The following FOXP2 variants were observed in gnomAD, a reference collection of about 807,000 sequenced individuals.
The protein encoded by FOXP2 is forkhead box protein P2.
FOXP2 carries 12 observed loss-of-function variants against 115.8 expected under a neutral mutation model. That is an observed-to-expected ratio of 0.10 (90% CI 0.07 to 0.17). The LOEUF (loss-of-function observed/expected upper bound fraction) is 0.17. FOXP2 is among the 10% of genes least tolerant of loss of function. The probability of loss-of-function intolerance (pLI) is 1.00; values close to 1 mark genes in which losing one functional copy is unlikely to be tolerated. For synonymous variants in FOXP2, 328 were observed against 297.7 expected (o/e 1.10, Z -1.05); for missense variants, 629 against 843.5 (o/e 0.75, Z 3.15).
In FOXP2 at chr7:114,685,957, G is replaced by C. The variant is rs1808337958; in HGVS notation, c.2004-3825G>C. On this transcript the variant is annotated intron_variant, in intron 16 of 16. Transcript: ENST00000350908. The stretch of plus-strand genomic sequence containing the variant: ...AATAAGGATGATCCAGGAATATCAA[G>C]AGGAAAACCGGTGTTTTTTTTTTTA... Among the ~76,000 whole-genome samples, 3 of 150,858 alleles carry C rather than the reference G, an allele frequency of 2.0e-5. No individual in the cohort carries two copies. The South Asian group carries it at 6.3e-4, about 31-fold the overall frequency.
At chr7:114,345,015 A>T (rs772220107) in intron 2 of FOXP2, among the ~76,000 whole-genome samples, 8 of 125,924 alleles carry the variant, frequency 6.4e-5, no homozygotes, top group Non-Finnish European at 1.1e-4. Flanking sequence ...TTGGAAGTGA[A>T]AATATTTGAA....
chr7:114,308,264 A>G (rs997117482), intron 2 of FOXP2, among the ~76,000 whole-genome samples: 7 of 152,186 alleles, frequency 4.6e-5, no homozygotes, highest in Admixed American at 3.9e-4. Context: ...GGGGGGACTC[A>G]GTGAACAATA....
intron 4 of FOXP2, chr7:114,629,483 G>T: frequency 2.2e-6 from 2 of 898,738 alleles, no homozygotes; most frequent in South Asian, 3.2e-5. Flanking sequence ...ACAACTGGTA[G>T]AGTATAGCCT....
intron 2 of FOXP2, among the ~76,000 whole-genome samples, chr7:114,479,129 C>G (rs1040715163): frequency 1.3e-5 from 2 of 151,684 alleles, no homozygotes; most frequent in African/African-American, 4.8e-5. Context: ...CAAAATTTTT[C>G]TTTTGTGAAT....
At chr7:114,086,735 A>C (rs1362595587), upstream of FOXP2, 1 of 230,788 alleles carries the variant, frequency 4.3e-6, no homozygotes, top group Non-Finnish European at 8.7e-6. Flanking sequence ...GTGGCGACAA[A>C]GTTTCGCCCC....
rs73440413 is a variant in FOXP2 at position 114,637,868 on chromosome 7, C to T, written c.776-4542C>T. On this transcript the variant is annotated intron_variant, in intron 6 of 16. Coordinates refer to ENST00000350908, the MANE Select transcript of FOXP2 (RefSeq NM_014491.4). Reference sequence around the variant, plus strand: ...CAAGGCCTTTTCTTTGCCTTAGTGTCCCCATCTCTAATATAGGGATAATAA... The same window carrying T: ...CAAGGCCTTTTCTTTGCCTTAGTGTTCCCATCTCTAATATAGGGATAATAA... 3.3e-3 allele frequency among the ~76,000 whole-genome samples: 504 copies of T among 152,086 alleles called. 1 individual carries two copies. Among genetic ancestry groups the T allele is most frequent in the African/African-American group, 0.011 (475 of 41,482 alleles).
chr7:114,631,669 G>C lies in FOXP2; in HGVS notation c.739G>C (p.Gly247Arg), dbSNP rs767652094. The C allele has an allele frequency of 6.2e-7, 1 of 1,614,052 alleles. No individual in the cohort carries two copies. The highest frequency in any genetic ancestry group is 8.5e-7 in the Non-Finnish European group (1 of 1,180,010). ...TCAGGGACTCATCTCCATTCCACCT[G>C]GCCAGGCAGCACTTCCTGTCCAATC... ...QRQGLISIPP[G>R]QAALPVQSLP... The change falls in exon 6 of 17, where the codon GGC becomes CGC. Residue 247 changes from glycine to arginine, a missense_variant. By Grantham distance (125) the Gly-to-Arg change is moderately radical. Around this residue, in one of 9 missense-constraint regions of FOXP2, gnomAD observed 138 missense variants for 205.1 expected, o/e 0.67. Coordinates refer to ENST00000350908, the MANE Select transcript of FOXP2 (RefSeq NM_014491.4).
upstream of FOXP2, among the ~76,000 whole-genome samples, chr7:114,411,547 T>G (rs1793163172): frequency 6.6e-6 from 1 of 152,144 alleles, no homozygotes; most frequent in African/African-American, 2.4e-5. Flanking sequence ...GTTTCTGTTT[T>G]GTTAAAATAT....
At chr7:114,379,672 G>A (rs533787794) in intron 2 of FOXP2, among the ~76,000 whole-genome samples, 40 of 152,298 alleles carry the variant, frequency 2.6e-4, no homozygotes, top group African/African-American at 8.2e-4. Flanking sequence ...AATTCTGGAA[G>A]AGACAAACTT....
At chr7:114,453,223 T>A (rs980988246) in intron 2 of FOXP2, among the ~76,000 whole-genome samples, 1 of 152,048 alleles carries the variant, frequency 6.6e-6, no homozygotes, top group Non-Finnish European at 1.5e-5. Context: ...GCATATAAAT[T>A]AAGAGATTTC....
At chr7:114,594,338 C>T (rs1802590819) in intron 3 of FOXP2, among the ~76,000 whole-genome samples, 1 of 152,000 alleles carries the variant, frequency 6.6e-6, no homozygotes, top group South Asian at 2.1e-4. Flanking sequence ...GGCTACCCAC[C>T]TCACCCTCAC....
At chr7:114,557,064 A>G (rs1463929993) in intron 3 of FOXP2, among the ~76,000 whole-genome samples, 1 of 152,172 alleles carries the variant, frequency 6.6e-6, no homozygotes, top group African/African-American at 2.4e-5. Context: ...CAGTTTTTAC[A>G]TTAAGCAAGA....
At chr7:114,169,212 C>T (rs190101308) in intron 1 of FOXP2, among the ~76,000 whole-genome samples, 344 of 152,262 alleles carry the variant, frequency 2.3e-3, no homozygotes, top group Middle Eastern at 0.01. Context: ...AGTAGATCCA[C>T]GGACAGCTTG....
chr7:114,417,274 A>C lies in FOXP2; in HGVS notation c.-11+1914A>C, dbSNP rs180893093. 2.8e-3 allele frequency among the ~76,000 whole-genome samples: 429 copies of C among 152,140 alleles called. 1 individual carries two copies. Among genetic ancestry groups the C allele is most frequent in the Non-Finnish European group, 3.6e-3 (248 of 67,964 alleles). ...TTAGTGCAATAAAATTAAATGCTACATGTTTTAAATTTCAGCATACAAATC... is the reference window on the plus strand; with the variant it reads ...TTAGTGCAATAAAATTAAATGCTACCTGTTTTAAATTTCAGCATACAAATC... On this transcript the variant is annotated intron_variant, in intron 1 of 16. Transcript: ENST00000350908.
chr7:114,319,436 C>T (rs1044432766), intron 2 of FOXP2, among the ~76,000 whole-genome samples: 2 of 152,196 alleles, frequency 1.3e-5, no homozygotes, highest in Non-Finnish European at 2.9e-5. Context: ...GGGCAATTTA[C>T]AGAAGAAAGA....
At chr7:114,302,663 G>A (rs1796905596) in intron 2 of FOXP2, among the ~76,000 whole-genome samples, 1 of 152,068 alleles carries the variant, frequency 6.6e-6, no homozygotes, top group Non-Finnish European at 1.5e-5. Context: ...ATGAGTGAGG[G>A]CAGAACCTAT....
At chr7:114,298,872 T>C (rs1389035200) in intron 2 of FOXP2, among the ~76,000 whole-genome samples, 2 of 152,202 alleles carry the variant, frequency 1.3e-5, no homozygotes, top group East Asian at 3.8e-4. Context: ...TTATGGAATG[T>C]ATTTTAAATA....
At chr7:114,561,579 A>G (rs1308456649) in intron 3 of FOXP2, 1 of 152,202 alleles carries the variant, frequency 6.6e-6, no homozygotes, top group Non-Finnish European at 1.5e-5. Context: ...TTAATTTTGT[A>G]AATTTGGATC....
At chr7:114,353,865 C>G (rs944757571) in intron 2 of FOXP2, among the ~76,000 whole-genome samples, 1 of 152,098 alleles carries the variant, frequency 6.6e-6, no homozygotes, top group Non-Finnish European at 1.5e-5. Context: ...TATAACCCAT[C>G]TCATACAATA....
Sources: allele counts gnomAD v4.1 joint callset (sites outside exome capture counted in the v4.1 genomes callset), GRCh38; gene constraint gnomAD v4.1.1; regional missense constraint gnomAD v4.1.1; transcripts MANE v1.5; gene names NCBI Gene and HGNC (gene_info 2026-07-23, HGNC 2026-07-21).